Variants in ZNF277 observed in about 807,000 individuals in gnomAD.
ZNF277 encodes the protein zinc finger protein 277, also known as nuclear receptor-interacting factor 4.
A neutral mutation model predicts 60.7 loss-of-function variants in ZNF277; 55 were observed. That is an observed-to-expected ratio of 0.91 (90% CI 0.73 to 1.13). The LOEUF (loss-of-function observed/expected upper bound fraction) is 1.13. Among genes scored for constraint, ZNF277 ranks in the 50% most tolerant of loss-of-function variants. ZNF277 has a pLI of 0.00. For missense variants in ZNF277, 510 were observed against 523.0 expected (o/e 0.98, Z 0.24); for synonymous variants, 178 against 179.3 (o/e 0.99, Z 0.06).
chr7:112,226,559 G>C (rs1375495474), intron 1 of ZNF277, among the ~76,000 whole-genome samples: 1 of 152,116 alleles, frequency 6.6e-6, no homozygotes, highest in African/African-American at 2.4e-5. Context: ...CAACAAAAAA[G>C]TTTCCTAAGT....
chr7:112,247,192 G>A (rs1039475742), intron 1 of ZNF277, among the ~76,000 whole-genome samples: 12 of 152,062 alleles, frequency 7.9e-5, no homozygotes, highest in Admixed American at 2.0e-4. Context: ...TGTAATTGCC[G>A]CTAAGTGGAG....
chr7:112,292,134 T>C (rs17159423), intron 2 of ZNF277, among the ~76,000 whole-genome samples: 8,973 of 152,240 alleles, frequency 0.059, 705 homozygotes, highest in African/African-American at 0.18. Context: ...TTTCTTCCCA[T>C]GTGCATATCA....
chr7:112,311,151 CTATG>C (rs1232041834), intron 4 of ZNF277, among the ~76,000 whole-genome samples: 3 of 152,128 alleles, frequency 2.0e-5, no homozygotes, highest in African/African-American at 7.2e-5. Context: ...CATTTTCTAC[CTATG>C]TGTCAATCCC....
At chr7:112,246,363 C>T (rs1435213545) in intron 1 of ZNF277, among the ~76,000 whole-genome samples, 1 of 152,134 alleles carries the variant, frequency 6.6e-6, no homozygotes, top group African/African-American at 2.4e-5. Context: ...CACTGCACTC[C>T]AGCCTCGCGA....
At chr7:112,310,533 C>T (rs1260652590) in intron 4 of ZNF277, among the ~76,000 whole-genome samples, 1 of 147,566 alleles carries the variant, frequency 6.8e-6, no homozygotes, top group African/African-American at 2.6e-5. Flanking sequence ...TGCCACCCTA[C>T]TTTTTTCTTT....
At chr7:112,252,029 G>A (rs1034427717) in intron 1 of ZNF277, among the ~76,000 whole-genome samples, 3 of 152,156 alleles carry the variant, frequency 2.0e-5, no homozygotes, top group Non-Finnish European at 4.4e-5. Flanking sequence ...TTTTTTGTGA[G>A]ACTCACCCAG....
chr7:112,259,367 CCTAA>C (rs1351803234), intron 1 of ZNF277, among the ~76,000 whole-genome samples: 1 of 152,080 alleles, frequency 6.6e-6, no homozygotes, highest in Non-Finnish European at 1.5e-5. Flanking sequence ...AAAACACTCA[CCTAA>C]CTAATTAGCA....
intron 4 of ZNF277, among the ~76,000 whole-genome samples, chr7:112,297,506 T>A (rs1440379918): frequency 2.6e-5 from 4 of 152,140 alleles, no homozygotes; most frequent in Admixed American, 2.6e-4. Context: ...TTTAAGAAAG[T>A]CCCTGGAAGC....
At chr7:112,240,059 C>T (rs954651416) in intron 1 of ZNF277, among the ~76,000 whole-genome samples, 9 of 152,036 alleles carry the variant, frequency 5.9e-5, no homozygotes, top group South Asian at 2.1e-4. Flanking sequence ...GGTTAGAAGA[C>T]GTTATTTGCA....
intron 1 of ZNF277, among the ~76,000 whole-genome samples, chr7:112,215,372 C>T (rs938698495): frequency 4.6e-5 from 7 of 152,328 alleles, no homozygotes; most frequent in African/African-American, 1.7e-4. Flanking sequence ...CCTTTAACCT[C>T]ATCCTCTGGG....
intron 5 of ZNF277, among the ~76,000 whole-genome samples, chr7:112,322,615 A>G (rs539028712): frequency 6.6e-6 from 1 of 152,124 alleles, no homozygotes; most frequent in East Asian, 1.9e-4. Context: ...TATCATTTTC[A>G]TAATTTCCTT....
intron 1 of ZNF277, among the ~76,000 whole-genome samples, chr7:112,211,970 G>A (rs1310907901): frequency 6.6e-6 from 1 of 152,136 alleles, no homozygotes; most frequent in Non-Finnish European, 1.5e-5. Context: ...CATTTAGAGT[G>A]GCTACTATTT....
chr7:112,237,104 G>A (rs926297904), intron 1 of ZNF277, among the ~76,000 whole-genome samples: 1 of 151,908 alleles, frequency 6.6e-6, no homozygotes. Flanking sequence ...CAAATATATG[G>A]GAATTAAACA....
chr7:112,222,550 T>C (rs536914616), intron 1 of ZNF277, among the ~76,000 whole-genome samples: 4 of 152,366 alleles, frequency 2.6e-5, no homozygotes, highest in Admixed American at 2.6e-4. Context: ...TATGATTTAA[T>C]GTATTTGAGG....
intron 6 of ZNF277, 95 bp from the exon 7 acceptor site, chr7:112,329,989 C>T: frequency 7.2e-7 from 1 of 1,398,160 alleles, no homozygotes; most frequent in Non-Finnish European, 9.6e-7. Flanking sequence ...GCTGTGTAAC[C>T]TAAAATGAAT....
At chr7:112,308,326 C>T (rs770929661) in intron 4 of ZNF277, among the ~76,000 whole-genome samples, 3 of 151,790 alleles carry the variant, frequency 2.0e-5, no homozygotes, top group African/African-American at 7.3e-5. Context: ...ACCAGCCTGA[C>T]CAACATAGCG....
chr7:112,336,069 C>A, intron 7 of ZNF277, 35 bp from the exon 8 acceptor site: 1 of 1,570,112 alleles, frequency 6.4e-7, no homozygotes, highest in South Asian at 1.2e-5. Context: ...TCTCTTTCCC[C>A]CAATGTCTCT....
chr7:112,223,529 G>A (rs929062496), intron 1 of ZNF277, among the ~76,000 whole-genome samples: 3 of 152,212 alleles, frequency 2.0e-5, no homozygotes, highest in Non-Finnish European at 2.9e-5. Context: ...TCCACAGGGA[G>A]ACAGGGTCAT....
intron 1 of ZNF277, among the ~76,000 whole-genome samples, chr7:112,286,523 A>T (rs35084897): frequency 1.3e-5 from 2 of 152,128 alleles, no homozygotes; most frequent in Non-Finnish European, 1.5e-5. Flanking sequence ...TAGAACCTTA[A>T]CCCAGAGTGT....
Sources: gnomAD v4.1 joint callset for allele counts (sites outside exome capture counted in the v4.1 genomes callset) on GRCh38, gnomAD v4.1.1 for gene constraint, MANE v1.5 for transcripts, NCBI Gene and HGNC (gene_info 2026-07-23, HGNC 2026-07-21) for gene names.